Variants in ZNF365 observed in about 807,000 individuals in gnomAD.
ZNF365 encodes the protein protein ZNF365.
Under a neutral mutation model 35.0 loss-of-function variants are expected in ZNF365, and 22 were observed. The observed-to-expected ratio is 0.63, with a 90% confidence interval of 0.45 to 0.90. ZNF365 has a LOEUF of 0.90. ZNF365 is among the 40% of genes least tolerant of loss of function. The pLI is 0.00. For synonymous variants in ZNF365, 188 were observed against 196.2 expected (o/e 0.96, Z 0.35); for missense variants, 448 against 500.3 (o/e 0.90, Z 1.00).
At chr10:62,447,339 C>A (rs540049987) in intron 3 of ZNF365, among the ~76,000 whole-genome samples, 1 of 152,248 alleles carries the variant, frequency 6.6e-6, no homozygotes, top group African/African-American at 2.4e-5. Flanking sequence ...GGAATCTGGG[C>A]TTCACAGGAG....
intron 4 of ZNF365, among the ~76,000 whole-genome samples, chr10:62,477,882 T>G (rs1589477666): frequency 6.6e-6 from 1 of 152,098 alleles, no homozygotes. Context: ...CAATGTGGGG[T>G]GGTGTTTATA....
chr10:62,396,409 G>C (rs532624159), intron 3 of ZNF365, among the ~76,000 whole-genome samples: 1 of 152,286 alleles, frequency 6.6e-6, no homozygotes, highest in South Asian at 2.1e-4. Flanking sequence ...TCTAAAATTG[G>C]AATGATGATG....
intron 4 of ZNF365, chr10:62,459,858 G>T (rs1233670163): frequency 6.7e-7 from 1 of 1,500,236 alleles, no homozygotes; most frequent in Non-Finnish European, 9.1e-7. Flanking sequence ...AGCCCATCTG[G>T]GTCCATATGA....
At chr10:62,405,366 T>A (rs1199746027), downstream of ZNF365, among the ~76,000 whole-genome samples, 1 of 152,148 alleles carries the variant, frequency 6.6e-6, no homozygotes, top group Non-Finnish European at 1.5e-5. Context: ...CATTTTGCAA[T>A]GAGAGGGGGG....
At chr10:62,475,863 G>T (rs1589476364) in intron 4 of ZNF365, among the ~76,000 whole-genome samples, 1 of 152,094 alleles carries the variant, frequency 6.6e-6, no homozygotes. Flanking sequence ...GGTAGTGTGG[G>T]GGCTGGATTG....
At chr10:62,459,863 A>G in intron 4 of ZNF365, 2 of 1,464,482 alleles carry the variant, frequency 1.4e-6, no homozygotes, top group Non-Finnish European at 1.9e-6. Flanking sequence ...ATCTGGGTCC[A>G]TATGAGAGAG....
At chr10:62,421,900 T>G (rs578095126) in intron 3 of ZNF365, among the ~76,000 whole-genome samples, 1 of 152,366 alleles carries the variant, frequency 6.6e-6, no homozygotes, top group Non-Finnish European at 1.5e-5. Context: ...CTATAGCTGA[T>G]ACTCAGCTAT....
chr10:62,471,901 G>A (rs964424975), intron 4 of ZNF365, among the ~76,000 whole-genome samples: 5 of 152,204 alleles, frequency 3.3e-5, no homozygotes, highest in South Asian at 2.1e-4. Context: ...TCTAAAAATT[G>A]TTACATGTTG....
At chr10:62,379,506 G>T (rs1368578680) in intron 2 of ZNF365, among the ~76,000 whole-genome samples, 1 of 151,596 alleles carries the variant, frequency 6.6e-6, no homozygotes, top group African/African-American at 2.4e-5. Context: ...CTGTATTCAG[G>T]CCTCAAATAA....
At chr10:62,422,636 C>T (rs1266358627) in intron 3 of ZNF365, among the ~76,000 whole-genome samples, 2 of 152,086 alleles carry the variant, frequency 1.3e-5, no homozygotes, top group African/African-American at 2.4e-5. Flanking sequence ...CTTTAGAGCG[C>T]GGCCATGCTC....
chr10:62,407,890 C>T (rs1839928143), intron 3 of ZNF365, among the ~76,000 whole-genome samples: 1 of 151,762 alleles, frequency 6.6e-6, no homozygotes, highest in South Asian at 2.1e-4. Flanking sequence ...CCTTAACCAG[C>T]TGTGGTAGGC....
intron 3 of ZNF365, among the ~76,000 whole-genome samples, chr10:62,452,285 A>G (rs769744889): frequency 2.6e-5 from 4 of 152,190 alleles, no homozygotes; most frequent in Admixed American, 6.5e-5. Flanking sequence ...AGTGATGGCC[A>G]GGCATGGTCA....
intron 4 of ZNF365, among the ~76,000 whole-genome samples, chr10:62,466,735 T>C (rs1303963154): frequency 2.0e-5 from 3 of 152,096 alleles, no homozygotes; most frequent in Non-Finnish European, 4.4e-5. Context: ...TTGCTAAAAC[T>C]TTTGCCTAAC....
rs1359992246 is a variant in ZNF365 at position 62,399,562 on chromosome 10, C to T, written c.997C>T (p.Pro333Ser). The T allele has an allele frequency of 1.2e-6, 2 of 1,614,100 alleles. No individual in the cohort carries two copies. Among genetic ancestry groups the T allele is most frequent in the Admixed American group, 3.3e-5 (2 of 60,002 alleles). The change falls in exon 5 of 5, where the codon CCT becomes TCT. Residue 333 changes from proline to serine, a missense_variant. By Grantham distance (74) the Pro-to-Ser change is moderately conservative (BLOSUM62 -1). Transcript: ENST00000395254. ...RGHPHSVCNH[P>S]DLKAHFHPKG... ...GCACCCGCATTCGGTATGTAACCAC[C>T]CTGATCTCAAGGCCCATTTCCACCC...
intron 3 of ZNF365, among the ~76,000 whole-genome samples, chr10:62,411,907 T>A (rs1839990185): frequency 6.6e-6 from 1 of 151,892 alleles, no homozygotes; most frequent in African/African-American, 2.4e-5. Flanking sequence ...GATCTCAGAT[T>A]AACAACCTAA....
intron 3 of ZNF365, among the ~76,000 whole-genome samples, chr10:62,434,626 C>T (rs1231688191): frequency 5.3e-5 from 8 of 152,084 alleles, no homozygotes; most frequent in African/African-American, 1.4e-4. Flanking sequence ...TGCACGGAAC[C>T]GGCTCCACTT....
intron 3 of ZNF365, among the ~76,000 whole-genome samples, chr10:62,420,873 C>T (rs1840156390): frequency 2.6e-5 from 4 of 151,976 alleles, no homozygotes; most frequent in African/African-American, 9.7e-5. Context: ...ACCTCCACCT[C>T]CCTGGCTCAA....
At chr10:62,457,249 C>A (rs1350537759) in intron 3 of ZNF365, among the ~76,000 whole-genome samples, 1 of 152,176 alleles carries the variant, frequency 6.6e-6, no homozygotes, top group African/African-American at 2.4e-5. Context: ...CATGACTGTA[C>A]CCCAAATCAA....
In ZNF365 at chr10:62,386,531, C is replaced by T. The variant is rs112385131; in HGVS notation, c.744-1865C>T. On this transcript the variant is annotated intron_variant, in intron 2 of 4. Transcript: ENST00000395254. Reference sequence around the variant, plus strand: ...TGAGTGAATCATTATTAGAGCCAGCCTGTTGTCTGTTTTTATACATATGTA... The same window carrying T: ...TGAGTGAATCATTATTAGAGCCAGCTTGTTGTCTGTTTTTATACATATGTA... 4.9e-3 allele frequency among the ~76,000 whole-genome samples: 750 copies of T among 152,234 alleles called. 5 individuals are homozygous for T. Among genetic ancestry groups the T allele is most frequent in the African/African-American group, 0.017 (716 of 41,524 alleles).
Sources: gnomAD v4.1 joint callset for allele counts (sites outside exome capture counted in the v4.1 genomes callset) on GRCh38, gnomAD v4.1.1 for gene constraint, MANE v1.5 for transcripts, NCBI Gene and HGNC (gene_info 2026-07-23, HGNC 2026-07-21) for gene names.